Variants in ARSD observed in about 807,000 individuals in gnomAD.
ARSD encodes the protein arylsulfatase D.
In ARSD, 21 loss-of-function variants were observed where a neutral mutation model predicts 32.6. That is an observed-to-expected ratio of 0.64 (90% CI 0.46 to 0.93). The LOEUF (loss-of-function observed/expected upper bound fraction) is 0.93, where lower values mean the gene tolerates loss of function less well. ARSD is among the 40% of genes least tolerant of loss of function. ARSD has a pLI of 0.00. For synonymous variants in ARSD, 224 were observed against 237.4 expected, an observed-to-expected ratio of 0.94 and a Z score of 0.52; for missense variants, 454 against 520.9, an observed-to-expected ratio of 0.87 and a Z score of 1.25.
Position 2,909,193 on chromosome X carries a change from CTT to C in ARSD, c.1299-353_1299-352del, listed in dbSNP as rs377704304. ...CACATTCCTAGGTTGGCTTTTCTTA[CTT>C]TTTTTTTTTTATGAGGCAGAGTCTT... On this transcript the variant is annotated intron_variant, in intron 8 of 9. Transcript: ENST00000381154. 4.3e-3 allele frequency among the ~76,000 whole-genome samples: 439 copies of C among 103,165 alleles called. 3 individuals are homozygous for C. The highest frequency in any genetic ancestry group is 0.015 in the African/African-American group (419 of 28,598). 89.6% of individuals were successfully genotyped at this position (103,165 alleles called of 115,157 possible). A position where few individuals can be genotyped will look rare whatever the true frequency, so the allele number is the denominator to read the frequency against.
At chrX:2,915,740 C>T (rs749826444) in intron 5 of ARSD, 48 bp from the exon 6 acceptor site, 9 of 1,145,567 alleles carry the variant, frequency 7.9e-6, no homozygotes, top group South Asian at 3.8e-5. Context: ...TACAGTACAC[C>T]AAAGGGACCC....
intron 2 of ARSD, among the ~76,000 whole-genome samples, chrX:2,923,969 C>A (rs1386588441): frequency 8.9e-6 from 1 of 112,407 alleles, no homozygotes; most frequent in East Asian, 2.8e-4. Flanking sequence ...ACCGCATGTT[C>A]TGTGAATTAC....
intron 6 of ARSD, chrX:2,913,562 C>G: frequency 1.0e-6 from 1 of 990,352 alleles, no homozygotes; most frequent in Non-Finnish European, 1.3e-6. Flanking sequence ...TCAGATTCTG[C>G]AAGGATTTTA....
At chrX:2,912,569 G>A (rs1313982605) in intron 6 of ARSD, among the ~76,000 whole-genome samples, 1 of 111,359 alleles carries the variant, frequency 9.0e-6, no homozygotes, top group African/African-American at 3.3e-5. Flanking sequence ...AATATTTTAC[G>A]GAGTTTGACT....
At chrX:2,908,538 C>CCA (rs1356239355) in intron 9 of ARSD, among the ~76,000 whole-genome samples, 183 bp downstream of exon 9, 1 of 98,825 alleles carries the variant, frequency 1.0e-5, no homozygotes, top group Admixed American at 1.1e-4. Flanking sequence ...TCTCTCTCCC[C>CCA]CCCCCATCAT....
chrX:2,922,024 T>C lies in ARSD; in HGVS notation c.195A>G (p.Arg65=), dbSNP rs756034736. ...CTGCAAGCTGGTCAATATTCGGCGTTCTGAGCAAAGCACACAAATGTCATT... is the reference window on the plus strand; with the variant it reads ...CTGCAAGCTGGTCAATATTCGGCGTCCTGAGCAAAGCACACAAATGTCATT... ...DLGCYGNNTL[R]TPNIDQLAEE... is the part of the protein sequence containing the mutation. Residue 65 remains arginine (R), a splice_region_variant and synonymous_variant, in exon 3 of 10, where the codon AGA becomes AGG. Coordinates refer to ENST00000381154, the MANE Select transcript of ARSD (RefSeq NM_001669.4). 41 of 1,197,665 alleles carry C rather than the reference T, an allele frequency of 3.4e-5. No homozygotes were observed. In the Admixed American group the frequency reaches 9.1e-4, roughly 27 times the overall value.
rs770873499 is a variant in ARSD, at chrX:2,907,108, C to T, written c.*163G>A. The T allele has an allele frequency of 3.2e-4, 157 of 485,908 alleles. No individual in the cohort carries two copies. The highest frequency in any genetic ancestry group is 5.1e-4 in the Non-Finnish European group (152 of 296,477). The allele number at this position is 485,908 out of a possible 1,213,427, so 40.0% of individuals were successfully genotyped here. On this transcript the variant is annotated 3_prime_UTR_variant, in exon 10 of 10. Transcript: ENST00000381154. ...TTCCAGCCTGAGGGACAGAGCGACA[C>T]TCTGTCTCAAAAAAGAAAGAAAGAA... is the stretch of plus-strand genomic sequence containing the variant.
chrX:2,914,251 A>G (rs2088930368), intron 6 of ARSD: 1 of 730,442 alleles, frequency 1.4e-6, no homozygotes, highest in African/African-American at 2.4e-5. Flanking sequence ...TTTTTTGGAG[A>G]CAGGGTCTTG....
intron 9 of ARSD, 91 bp downstream of exon 9, chrX:2,908,630 T>TCATC (rs1173410601): frequency 2.0e-4 from 174 of 883,943 alleles, no homozygotes; most frequent in South Asian, 8.7e-4. Flanking sequence ...ATCCATCCAT[T>TCATC]CATCCATCCA....
rs2088859005 is a variant in ARSD at position 2,907,294 on chromosome X, C to T, written c.1759G>A (p.Glu587Lys). 2.5e-6 allele frequency: 3 copies of T among 1,209,674 alleles called. No homozygotes were observed. Among genetic ancestry groups the T allele is most frequent in the Non-Finnish European group, 1.1e-6 (1 of 894,284 alleles). The change falls in exon 10 of 10, where the codon GAG (glutamate) becomes AAG (lysine). Residue 587 changes from glutamate (E) to lysine (K), a missense_variant. This residue lies in a region of ARSD where 179 missense variants were observed against 198.5 expected (regional missense o/e 0.90). Transcript: ENST00000381154. ...ATTCAGGGGGTGCCATCCCCATCCT[C>T]GTGGCATGAACAGAACGGGAAATGT... ...CGHFPFCSCH[E>K]DGDGTP
rs112173548 is a variant in ARSD, at chrX:2,915,762, C to T, written c.864-70G>A. 15 of 1,049,034 alleles carry T rather than the reference C, an allele frequency of 1.4e-5. No homozygotes were observed. In the African/African-American group the frequency reaches 1.7e-4, roughly 12 times the overall value. The allele number at this position is 1,049,034 out of a possible 1,213,427, so 86.5% of individuals were successfully genotyped here. A position where few individuals can be genotyped will look rare whatever the true frequency, so the allele number is the denominator to read the frequency against. ...CACCAAAGGGACCCCTGCACCCATA[C>T]GTTCACTCCAGCACTATTCACAAGA... On this transcript the variant is annotated intron_variant, in intron 5 of 9. Coordinates refer to ENST00000381154, the MANE Select transcript of ARSD (RefSeq NM_001669.4).
chrX:2,916,746 A>G (rs2088964721), intron 5 of ARSD, among the ~76,000 whole-genome samples: 1 of 111,311 alleles, frequency 9.0e-6, no homozygotes. Context: ...AAGGACAAAG[A>G]GAAGTGGTTT....
chrX:2,909,080 GCACA>G (rs60574020), intron 8 of ARSD, among the ~76,000 whole-genome samples: 4 of 105,884 alleles, frequency 3.8e-5, no homozygotes, highest in Admixed American at 1.0e-4. Flanking sequence ...TAAGCAGAGT[GCACA>G]CACACACACA....
intron 9 of ARSD, 117 bp downstream of exon 9, chrX:2,908,600 GTCCA>G: frequency 1.5e-6 from 1 of 670,570 alleles, no homozygotes; most frequent in Non-Finnish European, 2.0e-6. Context: ...ATAGCTATCT[GTCCA>G]TCCACCCATC....
chrX:2,924,678 T>C (rs2089064990), intron 2 of ARSD, among the ~76,000 whole-genome samples: 1 of 112,456 alleles, frequency 8.9e-6, no homozygotes, highest in African/African-American at 3.2e-5. Flanking sequence ...AGACCTTGCT[T>C]AGAAAAACTG....
At chrX:2,918,880 A>G (rs1469656939) in intron 4 of ARSD, among the ~76,000 whole-genome samples, 1 of 112,043 alleles carries the variant, frequency 8.9e-6, no homozygotes, top group African/African-American at 3.2e-5. Flanking sequence ...CTGGGAGGCC[A>G]AGGTAGGTGG....
chrX:2,908,948 G>T, intron 8 of ARSD, 106 bp from the exon 9 acceptor site: 1 of 1,080,646 alleles, frequency 9.3e-7, no homozygotes, highest in South Asian at 2.1e-5. Flanking sequence ...CCAGCAAATG[G>T]AGCAGAGATG....
At chrX:2,925,802 C>G in intron 1 of ARSD, 37 bp from the exon 2 acceptor site, 1 of 1,196,370 alleles carries the variant, frequency 8.4e-7, no homozygotes, top group South Asian at 1.8e-5. Context: ...TGACTATCTA[C>G]AATTTGGCAA....
In ARSD at chrX:2,905,033, C is replaced by T. The variant is rs1200084167; in HGVS notation, c.*2238G>A. On this transcript the variant is annotated 3_prime_UTR_variant, in exon 10 of 10. Transcript: ENST00000381154. Reference sequence around the variant, plus strand: ...CTCTCTCCACTCATCTTCTCTTTGGCTTCAGGTTGAGTTCAGCCAACAGAT... The same window carrying T: ...CTCTCTCCACTCATCTTCTCTTTGGTTTCAGGTTGAGTTCAGCCAACAGAT... 1 of 340,883 alleles carries T rather than the reference C, an allele frequency of 2.9e-6. No individual in the cohort carries two copies. The highest frequency in any genetic ancestry group is 9.7e-5 in the East Asian group (1 of 10,281). 28.1% of individuals were successfully genotyped at this position (340,883 alleles called of 1,213,427 possible). A position where few individuals can be genotyped will look rare whatever the true frequency, so the allele number is the denominator to read the frequency against.
Sources: gnomAD v4.1 joint callset for allele counts (sites outside exome capture counted in the v4.1 genomes callset) on GRCh38, gnomAD v4.1.1 for gene constraint, gnomAD v4.1.1 regional missense constraint, MANE v1.5 for transcripts, NCBI Gene and HGNC (gene_info 2026-07-23, HGNC 2026-07-21) for gene names.